Variants in NRG1 observed in about 807,000 individuals in gnomAD.
NRG1 encodes the protein neuregulin 1, also known as pro-neuregulin-1, membrane-bound isoform.
A neutral mutation model predicts 63.8 loss-of-function variants in NRG1; 18 were observed. That is an observed-to-expected ratio of 0.28 (90% confidence interval 0.19 to 0.42). NRG1 has a LOEUF of 0.42. Among genes scored for constraint, NRG1 ranks in the 10% least tolerant of loss-of-function variants. The pLI is 1.00. For missense variants in NRG1, 762 were observed against 814.7 expected (o/e 0.94, Z 0.79); for synonymous variants, 302 against 301.3 (o/e 1.00, Z -0.02).
chr8:32,385,495 G>A lies in NRG1; in HGVS notation c.38-210333G>A, dbSNP rs565740134. ...GGCTCATGGTTCTGCAGGCTGTATA[G>A]GAAGTACAGTGGCGTCTGCTTGGTT... is the stretch of plus-strand genomic sequence containing the variant. On this transcript the variant is annotated intron_variant, in intron 1 of 10. Transcript: ENST00000519301. Among the ~76,000 whole-genome samples the A allele has an allele frequency of 2.6e-5, 4 of 152,266 alleles. No homozygotes were observed. The South Asian group carries it at 8.3e-4, about 32-fold the overall frequency.
At chr8:32,000,401 T>C (rs1206366397) in intron 1 of NRG1, among the ~76,000 whole-genome samples, 5 of 151,792 alleles carry the variant, frequency 3.3e-5, no homozygotes, top group Non-Finnish European at 7.4e-5. Flanking sequence ...TGTCTTACTC[T>C]ATCTACAGGC....
At chr8:31,848,711 G>A (rs1254466379) in intron 1 of NRG1, among the ~76,000 whole-genome samples, 1 of 152,110 alleles carries the variant, frequency 6.6e-6, no homozygotes, top group Non-Finnish European at 1.5e-5. Flanking sequence ...GCACATGCAA[G>A]GGATCTAGGT....
intron 1 of NRG1, among the ~76,000 whole-genome samples, chr8:32,140,437 A>G (rs1362012544): frequency 6.7e-6 from 1 of 148,418 alleles, no homozygotes; most frequent in Non-Finnish European, 1.5e-5. Flanking sequence ...TGTCTTCCCC[A>G]CCTGCTGAAA....
At chr8:31,711,886 G>A (rs767017308) in intron 1 of NRG1, among the ~76,000 whole-genome samples, 6 of 152,168 alleles carry the variant, frequency 3.9e-5, no homozygotes, top group African/African-American at 1.2e-4. Flanking sequence ...TTATGAGGGC[G>A]GTAGTCCCAT....
At chr8:32,267,613 G>A (rs1851115088) in intron 1 of NRG1, among the ~76,000 whole-genome samples, 3 of 152,280 alleles carry the variant, frequency 2.0e-5, no homozygotes, top group Admixed American at 1.3e-4. Context: ...ATTACCATGA[G>A]CAGTCAATAA....
intron 1 of NRG1, among the ~76,000 whole-genome samples, chr8:32,579,414 G>C (rs1411419750): frequency 1.3e-5 from 2 of 152,134 alleles, no homozygotes; most frequent in Non-Finnish European, 1.5e-5. Flanking sequence ...ACTGAGGCTG[G>C]AGAGAAAGAA....
At chr8:31,977,905 G>T (rs1319125886) in intron 1 of NRG1, among the ~76,000 whole-genome samples, 3 of 151,998 alleles carry the variant, frequency 2.0e-5, no homozygotes, top group Non-Finnish European at 4.4e-5. Flanking sequence ...TTGATGGTTT[G>T]TCAACTAGTC....
chr8:32,116,210 C>T (rs993823035), intron 1 of NRG1, among the ~76,000 whole-genome samples: 3 of 152,126 alleles, frequency 2.0e-5, no homozygotes, highest in African/African-American at 7.2e-5. Flanking sequence ...CTGTCTCCCG[C>T]CTTCTTTTCC....
At chr8:32,133,899 C>T (rs12680844) in intron 1 of NRG1, among the ~76,000 whole-genome samples, 22,074 of 152,106 alleles carry the variant, frequency 0.15, 2,993 homozygotes, top group African/African-American at 0.34. Flanking sequence ...GTTGAAAATA[C>T]TTTTATGGGC....
At chr8:32,525,681 T>G (rs184153237) in intron 1 of NRG1, among the ~76,000 whole-genome samples, 1 of 152,308 alleles carries the variant, frequency 6.6e-6, no homozygotes, top group East Asian at 1.9e-4. Flanking sequence ...TGCCTGGATC[T>G]GTGTATATAC....
At chr8:31,728,978 A>T (rs1050983442) in intron 1 of NRG1, among the ~76,000 whole-genome samples, 6 of 152,128 alleles carry the variant, frequency 3.9e-5, no homozygotes, top group Non-Finnish European at 8.8e-5. Flanking sequence ...GTTAGAAGAG[A>T]CTCTAAGGGT....
At chr8:32,241,262 G>A (rs1365539449) in intron 1 of NRG1, among the ~76,000 whole-genome samples, 1 of 152,152 alleles carries the variant, frequency 6.6e-6, no homozygotes, top group East Asian at 1.9e-4. Context: ...GAACATCTGA[G>A]AGTCACAATT....
chr8:31,696,601 C>A (rs1810090114), intron 1 of NRG1, among the ~76,000 whole-genome samples: 1 of 152,192 alleles, frequency 6.6e-6, no homozygotes, highest in African/African-American at 2.4e-5. Flanking sequence ...AAAGTATACC[C>A]ATTATATAAT....
intron 1 of NRG1, among the ~76,000 whole-genome samples, chr8:31,946,245 G>T (rs1454720043): frequency 6.6e-6 from 1 of 152,166 alleles, no homozygotes; most frequent in East Asian, 1.9e-4. Flanking sequence ...GAAGCTATAT[G>T]TAACAATGTG....
At chr8:32,271,711 G>C (rs1851568635) in intron 1 of NRG1, among the ~76,000 whole-genome samples, 1 of 152,148 alleles carries the variant, frequency 6.6e-6, no homozygotes. Flanking sequence ...TTTGGGGTGT[G>C]TTCCCAAACA....
At chr8:32,001,202 C>T (rs1267538656) in intron 1 of NRG1, among the ~76,000 whole-genome samples, 1 of 151,948 alleles carries the variant, frequency 6.6e-6, no homozygotes, top group Non-Finnish European at 1.5e-5. Context: ...TAACATCTCA[C>T]CTTGAATTGT....
At chr8:31,924,092 C>T (rs552349375) in intron 1 of NRG1, among the ~76,000 whole-genome samples, 3 of 152,202 alleles carry the variant, frequency 2.0e-5, no homozygotes, top group South Asian at 2.1e-4. Flanking sequence ...CAGTGGCTCA[C>T]GCCTGTAGTC....
intron 1 of NRG1, among the ~76,000 whole-genome samples, chr8:32,269,541 A>AGGAT: frequency 6.6e-6 from 1 of 152,258 alleles, no homozygotes; most frequent in African/African-American, 2.4e-5. Context: ...ATGGGGAACA[A>AGGAT]GGATGGGGCA....
chr8:31,872,704 A>C (rs1208638154), intron 1 of NRG1, among the ~76,000 whole-genome samples: 2 of 152,216 alleles, frequency 1.3e-5, no homozygotes, highest in Admixed American at 1.3e-4. Context: ...GAGATAATGT[A>C]AGAGTAAAGC....
Sources: allele counts gnomAD v4.1 joint callset (sites outside exome capture counted in the v4.1 genomes callset), GRCh38; gene constraint gnomAD v4.1.1; transcripts MANE v1.5; gene names NCBI Gene and HGNC (gene_info 2026-07-23, HGNC 2026-07-21).